EPHA3: variants seen among roughly 807,000 people sequenced by gnomAD.
The protein encoded by EPHA3 is ephrin type-A receptor 3.
EPHA3 carries 42 observed loss-of-function variants against 107.1 expected under a neutral mutation model. The observed-to-expected ratio is 0.39, with a 90% CI of 0.31 to 0.51. The LOEUF is 0.51. EPHA3 is among the 20% of genes least tolerant of loss of function. The pLI is 0.78. For missense variants in EPHA3, 1,183 were observed against 1,211.2 expected (o/e 0.98, Z 0.35); for synonymous variants, 461 against 424.8 (o/e 1.09, Z -1.05).
At position 89,341,947 on chromosome 3, in the gene EPHA3, G is replaced by T. The variant is rs1339518966; in HGVS notation, c.1163G>T (p.Gly388Val). The T allele has an allele frequency of 6.2e-7, 1 of 1,613,196 alleles. No individual in the cohort carries two copies. The highest frequency in any genetic ancestry group is 8.5e-7 in the Non-Finnish European group (1 of 1,179,836). The change falls in exon 5 of 17, where the codon GGA (glycine) becomes GTA (valine). Residue 388 changes from glycine (G) to valine (V), a missense_variant. Gly to Val is a moderately radical substitution (Grantham distance 109). Coordinates refer to ENST00000336596, the MANE Select transcript of EPHA3 (RefSeq NM_005233.6). ...GTCCGCTTCCTCCCTCGACAGTTTG[G>T]ACTCACCAACACCACGGTGACAGTG... is the stretch of plus-strand genomic sequence containing the variant. ...PNVRFLPRQF[G>V]LTNTTVTVTD...
intron 3 of EPHA3, among the ~76,000 whole-genome samples, chr3:89,267,465 T>TA (rs1436223872): frequency 6.6e-6 from 1 of 152,048 alleles, no homozygotes; most frequent in Non-Finnish European, 1.5e-5. Context: ...CTATTCTTAT[T>TA]AAAAAAGAAA....
At chr3:89,220,034 G>T (rs1576241324) in intron 3 of EPHA3, among the ~76,000 whole-genome samples, 2 of 152,198 alleles carry the variant, frequency 1.3e-5, no homozygotes, top group East Asian at 3.9e-4. Context: ...TCTCACAGCT[G>T]AAGAAAGGGG....
intron 13 of EPHA3, among the ~76,000 whole-genome samples, chr3:89,436,105 A>T (rs1372833249): frequency 6.6e-6 from 1 of 151,872 alleles, no homozygotes; most frequent in African/African-American, 2.4e-5. Flanking sequence ...CTGGGGATGG[A>T]GCAGGACCCT....
intron 5 of EPHA3, among the ~76,000 whole-genome samples, chr3:89,360,779 C>T (rs1708076414): frequency 6.6e-6 from 1 of 151,028 alleles, no homozygotes; most frequent in Non-Finnish European, 1.5e-5. Flanking sequence ...TATTTTATTG[C>T]ATAAATTAGC....
chr3:89,413,335 TA>T (rs1709190375), intron 10 of EPHA3, 69 bp downstream of exon 10: 9 of 1,566,290 alleles, frequency 5.7e-6, no homozygotes, highest in Non-Finnish European at 7.9e-6. Context: ...CTCTGAAACC[TA>T]AGTATATTGC....
rs562554795 is a variant in EPHA3, at chr3:89,214,919, C to T, written c.814+4399C>T. ...ATGCAAAAATAAAATTAAAATGCTACATCTCAAAAATGTTAAGCCTAGGTT... is the reference window on the plus strand; with the variant it reads ...ATGCAAAAATAAAATTAAAATGCTATATCTCAAAAATGTTAAGCCTAGGTT... On this transcript the variant is annotated intron_variant, in intron 3 of 16. Coordinates refer to ENST00000336596, the MANE Select transcript of EPHA3 (RefSeq NM_005233.6). Among the ~76,000 whole-genome samples the T allele has an allele frequency of 3.9e-5, 6 of 151,984 alleles. 1 individual carries two copies. The highest frequency in any genetic ancestry group is 9.6e-5 in the African/African-American group (4 of 41,536).
At chr3:89,240,805 A>C (rs969157668) in intron 3 of EPHA3, among the ~76,000 whole-genome samples, 1 of 152,062 alleles carries the variant, frequency 6.6e-6, no homozygotes, top group Non-Finnish European at 1.5e-5. Context: ...AGCACAACTG[A>C]TTTAGGTTAT....
At chr3:89,226,818 G>T (rs1365411986) in intron 3 of EPHA3, among the ~76,000 whole-genome samples, 3 of 151,992 alleles carry the variant, frequency 2.0e-5, no homozygotes, top group Non-Finnish European at 4.4e-5. Flanking sequence ...CAGATAATTA[G>T]CTACTTTGCA....
At chr3:89,336,696 C>A (rs1391101583) in intron 3 of EPHA3, among the ~76,000 whole-genome samples, 4 of 152,046 alleles carry the variant, frequency 2.6e-5, no homozygotes, top group Non-Finnish European at 4.4e-5. Flanking sequence ...GAAAAATTCC[C>A]ACTGCCCTTC....
At chr3:89,208,814 T>G (rs1706192232) in intron 2 of EPHA3, among the ~76,000 whole-genome samples, 1 of 152,146 alleles carries the variant, frequency 6.6e-6, no homozygotes, top group South Asian at 2.1e-4. Flanking sequence ...AATGTGAAAT[T>G]CAAGAGTTAG....
chr3:89,158,611 C>T lies in EPHA3; in HGVS notation c.153+31338C>T, dbSNP rs193113325. The stretch of plus-strand genomic sequence containing the variant: ...TTTTCCCAGATTCATAATAAATGAA[C>T]ACATTAATATTTTATAGATTTGAGA... On this transcript the variant is annotated intron_variant, in intron 2 of 16. Coordinates refer to ENST00000336596, the MANE Select transcript of EPHA3 (RefSeq NM_005233.6). Among the ~76,000 whole-genome samples the T allele has an allele frequency of 4.0e-3, 612 of 152,190 alleles. 3 individuals are homozygous for T. The highest frequency in any genetic ancestry group is 0.014 in the African/African-American group (578 of 41,552).
chr3:89,249,720 C>T (rs1157359027), intron 3 of EPHA3, among the ~76,000 whole-genome samples: 2 of 152,142 alleles, frequency 1.3e-5, no homozygotes, highest in Admixed American at 6.6e-5. Context: ...CTCAGCCTCC[C>T]GAAGTTCTGG....
At chr3:89,274,898 A>G (rs1300268230) in intron 3 of EPHA3, among the ~76,000 whole-genome samples, 1 of 152,050 alleles carries the variant, frequency 6.6e-6, no homozygotes, top group East Asian at 1.9e-4. Context: ...TTTCCTGTCC[A>G]TATGTATCAA....
rs535265000 is a variant in EPHA3, at chr3:89,475,017, C to T, written c.2846+2398C>T. On this transcript the variant is annotated intron_variant, in intron 16 of 16. Coordinates refer to ENST00000336596, the MANE Select transcript of EPHA3 (RefSeq NM_005233.6). ...CAATATTCCTTCTTCTGTCCTTTCT[C>T]CTCAATTCAGGGACAATATAGGATT... Among the ~76,000 whole-genome samples, 4 of 152,266 alleles carry T rather than the reference C, an allele frequency of 2.6e-5. 1 individual carries two copies. In the South Asian group the frequency reaches 8.3e-4, roughly 32 times the overall value.
chr3:89,390,742 G>A (rs1708710427), intron 5 of EPHA3, among the ~76,000 whole-genome samples: 1 of 151,606 alleles, frequency 6.6e-6, no homozygotes, highest in Non-Finnish European at 1.5e-5. Context: ...TCAACCCTTG[G>A]TTTCCAGAAA....
At chr3:89,281,006 TA>T (rs200902738) in intron 3 of EPHA3, among the ~76,000 whole-genome samples, 2,609 of 149,126 alleles carry the variant, frequency 0.017, 54 homozygotes, top group African/African-American at 0.054. Context: ...AGATTTTTAT[TA>T]TTTATTTATT....
At position 89,230,824 on chromosome 3, in the gene EPHA3, TCACA is replaced by T. The variant is rs61566796; in HGVS notation, c.814+20334_814+20337del. Among the ~76,000 whole-genome samples, 310 of 139,556 alleles carry T rather than the reference TCACA, an allele frequency of 2.2e-3. 1 individual carries two copies. The highest frequency in any genetic ancestry group is 2.3e-3 in the African/African-American group (84 of 37,252). The allele number at this position is 139,556 out of a possible 152,430, so 91.6% of individuals were successfully genotyped here. ...CTCTCTCCCTCTCTCTCTCTCTCTC[TCACA>T]CACACACACACACACACACACACAC... On this transcript the variant is annotated intron_variant, in intron 3 of 16. Coordinates refer to ENST00000336596, the MANE Select transcript of EPHA3 (RefSeq NM_005233.6).
chr3:89,434,391 T>C (rs573980306), intron 13 of EPHA3, among the ~76,000 whole-genome samples: 15 of 152,252 alleles, frequency 9.9e-5, no homozygotes, highest in Admixed American at 7.9e-4. Flanking sequence ...CTAATTTTTG[T>C]ATTTTTAGTA....
At chr3:89,367,951 G>A (rs1327307688) in intron 5 of EPHA3, among the ~76,000 whole-genome samples, 1 of 150,524 alleles carries the variant, frequency 6.6e-6, no homozygotes, top group Non-Finnish European at 1.5e-5. Flanking sequence ...TACTTCATAT[G>A]CATTTAATCT....
Sources: allele counts gnomAD v4.1 joint callset (sites outside exome capture counted in the v4.1 genomes callset), GRCh38; gene constraint gnomAD v4.1.1; transcripts MANE v1.5; gene names NCBI Gene and HGNC (gene_info 2026-07-23, HGNC 2026-07-21).